TPST2: variants seen among roughly 807,000 people sequenced by gnomAD.
TPST2 encodes the protein protein-tyrosine sulfotransferase 2.
A neutral mutation model predicts 27.8 loss-of-function variants in TPST2; 16 were observed. That is an observed-to-expected ratio of 0.58 (90% CI 0.39 to 0.88). The LOEUF (loss-of-function observed/expected upper bound fraction) is 0.88, where lower values mean the gene tolerates loss of function less well. Ranked by LOEUF, TPST2 falls within the 40% of genes least tolerant of loss-of-function variation. TPST2 has a pLI of 0.00. For synonymous variants in TPST2, 229 were observed against 231.7 expected, an observed-to-expected ratio of 0.99 and a Z score of 0.10; for missense variants, 464 against 543.1, an observed-to-expected ratio of 0.85 and a Z score of 1.45.
At chr22:26,537,229 C>A (rs16982302) in intron 3 of TPST2, among the ~76,000 whole-genome samples, 18,005 of 152,190 alleles carry the variant, frequency 0.12, 1,552 homozygotes, top group South Asian at 0.29. Context: ...CCTTCTCTAA[C>A]CTTTTCTTGT....
intron 1 of TPST2, among the ~76,000 whole-genome samples, chr22:26,585,719 C>T (rs1928315984): frequency 6.6e-6 from 1 of 152,174 alleles, no homozygotes. Flanking sequence ...ATCTGATCTG[C>T]CACTCTTACT....
In TPST2 at chr22:26,573,139, T is replaced by C. The variant is rs6005082; in HGVS notation, c.-161+16914A>G. On this transcript the variant is annotated intron_variant, in intron 1 of 6. Transcript: ENST00000338754. ...CTTCCTCCAGGGACTGCTCAAGCAATCTTCCCACCTCAGCCCCTCGAGTAG... is the reference window on the plus strand; with the variant it reads ...CTTCCTCCAGGGACTGCTCAAGCAACCTTCCCACCTCAGCCCCTCGAGTAG... 4.6e-3 allele frequency among the ~76,000 whole-genome samples: 699 copies of C among 152,320 alleles called. 4 individuals carry two copies. Among genetic ancestry groups the C allele is most frequent in the African/African-American group, 0.016 (648 of 41,560 alleles).
chr22:26,565,163 G>C (rs1473472392), intron 1 of TPST2: 1 of 152,462 alleles, frequency 6.6e-6, no homozygotes, highest in African/African-American at 2.4e-5. Context: ...ACTTGCTCTA[G>C]TTGACACAGC....
Position 26,541,255 on chromosome 22 carries a change from C to T in TPST2, c.376G>A (p.Ala126Thr), listed in dbSNP as rs767262747. ...SGREKLRLDE[A>T]GVTDEVLDAA... Reference sequence around the variant, plus strand: ...TCCAGCACCTCATCCGTCACCCCCGCCTCATCCAGCCGCAGCTTCTCACGG... The same window carrying T: ...TCCAGCACCTCATCCGTCACCCCCGTCTCATCCAGCCGCAGCTTCTCACGG... The change falls in exon 3 of 7, where the codon GCG becomes ACG. Residue 126 changes from alanine (A) to threonine (T), a missense_variant. Ala to Thr is a moderately conservative substitution (Grantham distance 58). Transcript: ENST00000338754. The surrounding 1 kb of genome is among the most constrained non-coding windows in gnomAD (Gnocchi z 5.9). The T allele has an allele frequency of 6.5e-7, 1 of 1,541,420 alleles. No individual in the cohort carries two copies. The highest frequency in any genetic ancestry group is 8.8e-7 in the Non-Finnish European group (1 of 1,142,350).
Position 26,522,926 on chromosome 22 carries a change from T to G in TPST2, c.*3349A>C, listed in dbSNP as rs1197841907. The G allele has an allele frequency of 1.3e-5, 2 of 152,284 alleles. No homozygotes were observed. The highest frequency in any genetic ancestry group is 2.1e-4 in the South Asian group (1 of 4,822). 9.4% of individuals were successfully genotyped at this position (152,284 alleles called of 1,614,324 possible). A position where few individuals can be genotyped will look rare whatever the true frequency, so the allele number is the denominator to read the frequency against. On this transcript the variant is annotated 3_prime_UTR_variant, in exon 7 of 7. Transcript: ENST00000338754. ...TCCCCTCTTTACAAAAAATAAAAAG[T>G]TAGGTAGGTGTCATGGTCCAGCTAC... is the stretch of plus-strand genomic sequence containing the variant.
At chr22:26,553,407 T>C (rs1429664645) in intron 1 of TPST2, among the ~76,000 whole-genome samples, 5 of 151,612 alleles carry the variant, frequency 3.3e-5, no homozygotes, top group Non-Finnish European at 1.5e-5. Context: ...GGTCTCCTTC[T>C]GTCTCAAAGG....
At chr22:26,559,746 C>T (rs1172150623) in intron 1 of TPST2, among the ~76,000 whole-genome samples, 3 of 152,210 alleles carry the variant, frequency 2.0e-5, no homozygotes, top group East Asian at 1.9e-4. Context: ...AAAATATTAT[C>T]TTGATCACTT....
At chr22:26,545,860 A>G (rs2105916) in intron 1 of TPST2, among the ~76,000 whole-genome samples, 88,804 of 152,024 alleles carry the variant, frequency 0.58, 26,390 homozygotes, top group Non-Finnish European at 0.62. Flanking sequence ...CAGGAGGATC[A>G]CTTGAGCCCA....
rs1928502846 is a variant in TPST2 at position 26,590,108 on chromosome 22, C to A, written c.-216G>T. 6.6e-6 allele frequency: 1 copy of A among 151,966 alleles called. No homozygotes were observed. Among genetic ancestry groups the A allele is most frequent in the South Asian group, 2.1e-4 (1 of 4,836 alleles). 9.4% of individuals were successfully genotyped at this position (151,966 alleles called of 1,614,324 possible). ...CACCCAGCGACTCCCGGCTCTCCAG[C>A]CGCCCCAGCCGGGGAAGGGGGAGGT... On this transcript the variant is annotated 5_prime_UTR_variant, in exon 1 of 7. Transcript: ENST00000338754.
At chr22:26,548,809 T>A (rs1036101500) in intron 1 of TPST2, among the ~76,000 whole-genome samples, 461 of 25,306 alleles carry the variant, frequency 0.018, 1 homozygote, top group African/African-American at 0.065. Context: ...AAAAAAAAAT[T>A]TTTTTTTAAT....
intron 2 of TPST2, among the ~76,000 whole-genome samples, chr22:26,544,224 G>C (rs1376035024): frequency 6.6e-6 from 1 of 152,166 alleles, no homozygotes; most frequent in African/African-American, 2.4e-5. Flanking sequence ...GAACTCCTGT[G>C]GGGTACTGAG....
chr22:26,572,560 C>T (rs1397258496), intron 1 of TPST2, among the ~76,000 whole-genome samples: 1 of 152,158 alleles, frequency 6.6e-6, no homozygotes, highest in Non-Finnish European at 1.5e-5. Flanking sequence ...CCTCTTCCCA[C>T]CTTATCTTGG....
At chr22:26,575,663 A>G (rs1046895977) in intron 1 of TPST2, among the ~76,000 whole-genome samples, 3 of 152,190 alleles carry the variant, frequency 2.0e-5, no homozygotes, top group Non-Finnish European at 4.4e-5. Context: ...GAATCCTCAC[A>G]AAAACCCGCT....
At chr22:26,581,015 TACATAC>T (rs1010991878) in intron 1 of TPST2, among the ~76,000 whole-genome samples, 2 of 39,666 alleles carry the variant, frequency 5.0e-5, no homozygotes, top group Non-Finnish European at 9.6e-5. Flanking sequence ...ACCCTCAACA[TACATAC>T]ACACACACAC....
intron 1 of TPST2, among the ~76,000 whole-genome samples, chr22:26,551,300 A>AAACC (rs1210156254): frequency 1.6e-4 from 24 of 152,164 alleles, no homozygotes; most frequent in African/African-American, 5.8e-4. Context: ...ACAAACAAAC[A>AAACC]AACAAACAAA....
intron 2 of TPST2, among the ~76,000 whole-genome samples, chr22:26,542,237 G>A (rs374818261): frequency 5.1e-5 from 6 of 116,992 alleles, no homozygotes; most frequent in East Asian, 5.1e-4. Context: ...GCGAGACTCC[G>A]TCTAAAAAAA....
chr22:26,543,717 A>G (rs911069810), intron 2 of TPST2, among the ~76,000 whole-genome samples: 1 of 152,248 alleles, frequency 6.6e-6, no homozygotes, highest in African/African-American at 2.4e-5. Flanking sequence ...AGCTTGCCCA[A>G]GGTTGCATGG....
At chr22:26,583,342 C>G (rs1347471550) in intron 1 of TPST2, among the ~76,000 whole-genome samples, 2 of 141,874 alleles carry the variant, frequency 1.4e-5, no homozygotes, top group African/African-American at 5.3e-5. Context: ...GAGGCTGAGG[C>G]AGGAGAATCA....
intron 4 of TPST2, 21 bp downstream of exon 4, chr22:26,536,267 C>A (rs377701433): frequency 6.2e-7 from 1 of 1,613,804 alleles, no homozygotes; most frequent in Non-Finnish European, 8.5e-7. Flanking sequence ...TACACTTCCA[C>A]AAGTACAGGT....
Sources: allele counts gnomAD v4.1 joint callset (sites outside exome capture counted in the v4.1 genomes callset), GRCh38; gene constraint gnomAD v4.1.1; non-coding constraint Gnocchi (gnomAD v3.1); transcripts MANE v1.5; gene names NCBI Gene and HGNC (gene_info 2026-07-23, HGNC 2026-07-21).